Variants in ELAPOR2 observed in about 807,000 individuals in gnomAD.
ELAPOR2 encodes endosome/lysosome-associated apoptosis and autophagy regulator family member 2.
ELAPOR2 carries 89 observed loss-of-function variants against 120.7 expected under a neutral mutation model. The ratio of observed to expected loss-of-function variants is 0.74; its 90% CI spans 0.62 to 0.88. The LOEUF is 0.88. Among genes scored for constraint, ELAPOR2 ranks in the 40% least tolerant of loss-of-function variants. The probability of loss-of-function intolerance (pLI) is 0.00; values close to 1 mark genes in which losing one functional copy is unlikely to be tolerated. For missense variants in ELAPOR2, 1,134 were observed against 1,251.6 expected, an observed-to-expected ratio of 0.91 and a Z score of 1.42; for synonymous variants, 444 against 444.9, an observed-to-expected ratio of 1.00 and a Z score of 0.03.
At chr7:86,910,583 G>A (rs955556154) in intron 15 of ELAPOR2, among the ~76,000 whole-genome samples, 8 of 151,996 alleles carry the variant, frequency 5.3e-5, no homozygotes, top group African/African-American at 1.7e-4. Flanking sequence ...CTGTTCAACT[G>A]TATAACAAGT....
chr7:87,011,264 A>AAAAG (rs1554404741), intron 1 of ELAPOR2, among the ~76,000 whole-genome samples: 5,189 of 132,040 alleles, frequency 0.039, 180 homozygotes, highest in African/African-American at 0.1. Context: ...AAAAAAAAAA[A>AAAAG]AAAAGAAAAG....
At chr7:86,984,297 G>C (rs1792626749) in intron 1 of ELAPOR2, among the ~76,000 whole-genome samples, 1 of 152,146 alleles carries the variant, frequency 6.6e-6, no homozygotes, top group Admixed American at 6.5e-5. Flanking sequence ...GGTTAACAAG[G>C]ATATCCAGGA....
chr7:87,038,386 G>A (rs555001135), intron 1 of ELAPOR2, among the ~76,000 whole-genome samples: 1 of 152,202 alleles, frequency 6.6e-6, no homozygotes, highest in South Asian at 2.1e-4. Flanking sequence ...AAAGTCTAGG[G>A]AAATATATAT....
At chr7:87,040,008 C>A (rs565663016) in intron 1 of ELAPOR2, among the ~76,000 whole-genome samples, 32 of 152,246 alleles carry the variant, frequency 2.1e-4, no homozygotes, top group African/African-American at 6.3e-4. Flanking sequence ...AAAGGGGTGA[C>A]GGACGGCACC....
At chr7:86,889,690 G>A (rs574135322) in intron 21 of ELAPOR2, among the ~76,000 whole-genome samples, 102 of 152,136 alleles carry the variant, frequency 6.7e-4, no homozygotes, top group African/African-American at 2.2e-3. Flanking sequence ...ACAGTTGACG[G>A]TGGGTAACTA....
chr7:86,950,002 C>CT (rs34662754), intron 2 of ELAPOR2, among the ~76,000 whole-genome samples: 17,475 of 152,144 alleles, frequency 0.11, 1,054 homozygotes, highest in East Asian at 0.14. Flanking sequence ...ACTTGTGGTG[C>CT]TTTTTCCCCC....
At chr7:86,999,854 A>G (rs1429456578) in intron 1 of ELAPOR2, among the ~76,000 whole-genome samples, 2 of 152,160 alleles carry the variant, frequency 1.3e-5, no homozygotes, top group East Asian at 1.9e-4. Context: ...ATTTCATAAC[A>G]AAGACCCATA....
intron 1 of ELAPOR2, among the ~76,000 whole-genome samples, chr7:87,006,577 A>G (rs1328773842): frequency 1.3e-5 from 2 of 152,190 alleles, no homozygotes; most frequent in African/African-American, 4.8e-5. Context: ...GTGGACAAGG[A>G]TGTGAAGCAA....
At chr7:86,992,570 T>C (rs1024436143) in intron 1 of ELAPOR2, among the ~76,000 whole-genome samples, 3 of 152,178 alleles carry the variant, frequency 2.0e-5, no homozygotes, top group African/African-American at 7.2e-5. Context: ...CAAATCCAAA[T>C]AAAATGGATA....
At chr7:86,892,184 T>C (rs1457309719) in intron 20 of ELAPOR2, among the ~76,000 whole-genome samples, 1 of 152,102 alleles carries the variant, frequency 6.6e-6, no homozygotes, top group African/African-American at 2.4e-5. Flanking sequence ...TAGGCCTGAA[T>C]GCATTTTCTT....
At chr7:86,975,599 GC>G (rs1212523778) in intron 1 of ELAPOR2, among the ~76,000 whole-genome samples, 1 of 152,134 alleles carries the variant, frequency 6.6e-6, no homozygotes, top group African/African-American at 2.4e-5. Context: ...GTAACAGCAT[GC>G]CCCCTGCTCT....
rs1341700676 is a variant in ELAPOR2 at position 86,965,033 on chromosome 7, A to T, written c.190-9T>A. ...TCAAAGTGATAATCTTTCTGCAAACAATCACAAAAACAAGCCTTTGTTAGA... is the reference window on the plus strand; with the variant it reads ...TCAAAGTGATAATCTTTCTGCAAACTATCACAAAAACAAGCCTTTGTTAGA... On this transcript the variant is annotated splice_polypyrimidine_tract_variant and intron_variant, in intron 1 of 21. Transcript: ENST00000450689. 2 of 1,551,458 alleles carry T rather than the reference A, an allele frequency of 1.3e-6. No homozygotes were observed. The highest frequency in any genetic ancestry group is 3.9e-5 in the Admixed American group (2 of 51,000).
At chr7:86,884,559 T>C (rs1205473078) in intron 21 of ELAPOR2, among the ~76,000 whole-genome samples, 1 of 152,144 alleles carries the variant, frequency 6.6e-6, no homozygotes, top group African/African-American at 2.4e-5. Flanking sequence ...AGGATTTAAG[T>C]ATGCTTGAAT....
chr7:86,915,725 A>G (rs948393184), intron 12 of ELAPOR2, among the ~76,000 whole-genome samples: 1 of 150,264 alleles, frequency 6.7e-6, no homozygotes, highest in Non-Finnish European at 1.5e-5. Flanking sequence ...AGCTCAAGAC[A>G]AGTCTCTTTG....
At chr7:86,960,829 G>A (rs909192169) in intron 2 of ELAPOR2, among the ~76,000 whole-genome samples, 1 of 151,890 alleles carries the variant, frequency 6.6e-6, no homozygotes, top group East Asian at 1.9e-4. Flanking sequence ...GTGTAAGTCT[G>A]CTTATTTCTT....
intron 1 of ELAPOR2, among the ~76,000 whole-genome samples, chr7:87,026,061 T>C (rs773697944): frequency 3.3e-5 from 5 of 152,140 alleles, no homozygotes; most frequent in African/African-American, 4.8e-5. Flanking sequence ...TACTTCCATA[T>C]GCTGTTTGTA....
At chr7:86,965,263 A>G (rs1353656421) in intron 1 of ELAPOR2, among the ~76,000 whole-genome samples, 3 of 152,124 alleles carry the variant, frequency 2.0e-5, no homozygotes, top group Non-Finnish European at 4.4e-5. Flanking sequence ...TGTGACCATT[A>G]TCCTTTCATC....
chr7:86,994,798 C>A (rs1793071232), intron 1 of ELAPOR2, among the ~76,000 whole-genome samples: 1 of 152,032 alleles, frequency 6.6e-6, no homozygotes, highest in Non-Finnish European at 1.5e-5. Flanking sequence ...GCCTAGAAAT[C>A]AACCCCTCTA....
chr7:86,950,479 C>A (rs1791199021), intron 2 of ELAPOR2, among the ~76,000 whole-genome samples: 1 of 152,236 alleles, frequency 6.6e-6, no homozygotes, highest in African/African-American at 2.4e-5. Context: ...GTAACAGCCT[C>A]TTTGGGGCTC....
Sources: gnomAD v4.1 joint callset for allele counts (sites outside exome capture counted in the v4.1 genomes callset) on GRCh38, gnomAD v4.1.1 for gene constraint, MANE v1.5 for transcripts, NCBI Gene and HGNC (gene_info 2026-07-23, HGNC 2026-07-21) for gene names.